The following CLIC1 variants were observed in gnomAD, a reference collection of about 807,000 sequenced individuals.
CLIC1 encodes the protein CLIC family member 1.
Under a neutral mutation model 26.4 loss-of-function variants are expected in CLIC1, and 16 were observed. The ratio of observed to expected loss-of-function variants is 0.61; its 90% CI spans 0.41 to 0.92. CLIC1 has a LOEUF of 0.92. CLIC1 is among the 40% of genes least tolerant of loss of function. The pLI is 0.00. For missense variants in CLIC1, 225 were observed against 289.7 expected (o/e 0.78, Z 1.62); for synonymous variants, 98 against 120.8 (o/e 0.81, Z 1.24).
At chr6:31,731,598 G>A (rs1807954361) in intron 5 of CLIC1, among the ~76,000 whole-genome samples, 2 of 152,188 alleles carry the variant, frequency 1.3e-5, no homozygotes, top group African/African-American at 2.4e-5. Context: ...CACCACGCCC[G>A]GCCCATCTGA....
chr6:31,736,382 G>A lies in CLIC1; in HGVS notation c.-82C>T. On this transcript the variant is annotated 5_prime_UTR_variant, in exon 1 of 6. Transcript: ENST00000375784. The surrounding 1 kb of genome is among the most constrained non-coding windows in gnomAD (Gnocchi z 5.0). ...CCGGGGAAGGCGGGTCTCACACTCA[G>A]GGACTCTCTCCCCTAGACCCAGGGC... The A allele has an allele frequency of 6.2e-7, 1 of 1,609,108 alleles. No individual in the cohort carries two copies. The highest frequency in any genetic ancestry group is 1.3e-5 in the African/African-American group (1 of 74,940).
At position 31,736,466 on chromosome 6, in the gene CLIC1, C is replaced by G; in HGVS notation, c.-166G>C. 3.5e-6 allele frequency: 5 copies of G among 1,428,776 alleles called. No individual in the cohort carries two copies. The highest frequency in any genetic ancestry group is 2.6e-5 in the East Asian group (1 of 38,212). The allele number at this position is 1,428,776 out of a possible 1,614,324, so 88.5% of individuals were successfully genotyped here. A position where few individuals can be genotyped will look rare whatever the true frequency, so the allele number is the denominator to read the frequency against. ...CTACTTGCACCCAAACTAGGCCTCC[C>G]CACCAGCCCAACGCACCCCACACCC... On this transcript the variant is annotated 5_prime_UTR_variant, in exon 1 of 6. Coordinates refer to ENST00000375784, the Ensembl canonical transcript of CLIC1. The surrounding 1 kb of genome is among the most constrained non-coding windows in gnomAD (Gnocchi z 5.0).
chr6:31,734,188 C>T lies in CLIC1; in HGVS notation c.115G>A (p.Val39Ile). Residue 39 changes from valine (V) to isoleucine (I), a missense_variant, in exon 2 of 6, where the codon GTC (valine) becomes ATC (isoleucine). Physicochemically the swap from Val to Ile is conservative, Grantham distance 29. Transcript: ENST00000375784. This position sits in a 1 kb window ranked among gnomAD's most constrained non-coding sequence, Gnocchi z 5.3. ...TCAACGGTGGTAACATTGAAGGTGA[C>T]TCCCTTGAGCCACAGTACCATGAAC... 6.2e-7 allele frequency: 1 copy of T among 1,614,142 alleles called. No individual in the cohort carries two copies. The highest frequency in any genetic ancestry group is 8.5e-7 in the Non-Finnish European group (1 of 1,179,982).
At chr6:31,731,170 C>A (rs1384366618) in intron 5 of CLIC1, among the ~76,000 whole-genome samples, 167 bp from the exon 6 acceptor site, 3 of 152,184 alleles carry the variant, frequency 2.0e-5, no homozygotes, top group Non-Finnish European at 4.4e-5. Context: ...TAATAACCAG[C>A]CATTTTTCCT....
Position 31,732,451 on chromosome 6 carries a change from G to A in CLIC1, c.383-53C>T, listed in dbSNP as rs1264211824. 83 of 1,340,594 alleles carry A rather than the reference G, an allele frequency of 6.2e-5. No homozygotes were observed. The highest frequency in any genetic ancestry group is 7.5e-5 in the Non-Finnish European group (77 of 1,024,406). 83.0% of individuals were successfully genotyped at this position (1,340,594 alleles called of 1,614,324 possible). A position where few individuals can be genotyped will look rare whatever the true frequency, so the allele number is the denominator to read the frequency against. On this transcript the variant is annotated intron_variant, in intron 4 of 5. Coordinates refer to ENST00000375784, the Ensembl canonical transcript of CLIC1. This position sits in a 1 kb window ranked among gnomAD's most constrained non-coding sequence, Gnocchi z 5.0. ...CTTCAGGAAAAGATTGACATAGTCC[G>A]AAAAGGCCCGTTGGGGGTGGATACT... is the stretch of plus-strand genomic sequence containing the variant.
chr6:31,731,818 C>T (rs1293723699), intron 5 of CLIC1, among the ~76,000 whole-genome samples: 3 of 152,058 alleles, frequency 2.0e-5, no homozygotes, highest in African/African-American at 4.8e-5. Context: ...AACATGGGAA[C>T]CAGCAGTTTT....
In CLIC1 at chr6:31,732,147, G is replaced by A; in HGVS notation, c.564+70C>T. On this transcript the variant is annotated intron_variant, in intron 5 of 5. Coordinates refer to ENST00000375784, the Ensembl canonical transcript of CLIC1. This position sits in a 1 kb window ranked among gnomAD's most constrained non-coding sequence, Gnocchi z 5.0. ...ATCGTCTTTAGAGTGGTTGTCAGGG[G>A]AAGCCCATGTGGGAGCTCCTTAAAG... is the stretch of plus-strand genomic sequence containing the variant. The A allele has an allele frequency of 7.1e-6, 9 of 1,259,988 alleles. No homozygotes were observed. The highest frequency in any genetic ancestry group is 9.4e-6 in the Non-Finnish European group (9 of 958,520). 78.1% of individuals were successfully genotyped at this position (1,259,988 alleles called of 1,614,324 possible). A position where few individuals can be genotyped will look rare whatever the true frequency, so the allele number is the denominator to read the frequency against.
At position 31,733,142 on chromosome 6, in the gene CLIC1, T is replaced by G. The variant is rs1808092541; in HGVS notation, c.382+424A>C. 6.6e-6 allele frequency among the ~76,000 whole-genome samples: 1 copy of G among 151,812 alleles called. No individual in the cohort carries two copies. The highest frequency in any genetic ancestry group is 2.1e-4 in the South Asian group (1 of 4,812). On this transcript the variant is annotated intron_variant, in intron 4 of 5. Coordinates refer to ENST00000375784, the Ensembl canonical transcript of CLIC1. This position sits in a 1 kb window ranked among gnomAD's most constrained non-coding sequence, Gnocchi z 5.4. ...CTCAAAAAAAAAGAAAAAAAAAAAT[T>G]TATATCAACCCATGAAATAGGTATT... is the stretch of plus-strand genomic sequence containing the variant.
At position 31,732,359 on chromosome 6, in the gene CLIC1, T is replaced by C; in HGVS notation, c.422A>G (p.Asp141Gly). ...TGGGAGGGGGGATGTTAAGTAATTG[T>C]CTAAAACCTTCAGGGCTTTCAGGAG... The change falls in exon 5 of 6, where the codon GAC becomes GGC. Residue 141 changes from aspartate (D) to glycine (G), a missense_variant. Coordinates refer to ENST00000375784, the Ensembl canonical transcript of CLIC1. The surrounding 1 kb of genome is among the most constrained non-coding windows in gnomAD (Gnocchi z 5.0). 1 of 1,578,120 alleles carries C rather than the reference T, an allele frequency of 6.3e-7. No individual in the cohort carries two copies. The highest frequency in any genetic ancestry group is 8.6e-7 in the Non-Finnish European group (1 of 1,162,616).
At position 31,730,927 on chromosome 6, in the gene CLIC1, T is replaced by C. The variant is rs1267502089; in HGVS notation, c.641A>G (p.Tyr214Cys). 3.7e-6 allele frequency: 6 copies of C among 1,613,022 alleles called. No individual in the cohort carries two copies. Among genetic ancestry groups the C allele is most frequent in the Non-Finnish European group, 4.2e-6 (5 of 1,179,988 alleles). Residue 214 changes from tyrosine (Y) to cysteine (C), a missense_variant, in exon 6 of 6, where the codon TAC becomes TGC. Tyr to Cys is a radical substitution (Grantham distance 194, BLOSUM62 -2). Transcript: ENST00000375784. The surrounding 1 kb of genome is among the most constrained non-coding windows in gnomAD (Gnocchi z 5.1). Reference sequence around the variant, plus strand: ...GGTGGAAGCGAATTCTTCCCGGGCGTAGGCATTGCTCAAGTACCGATGCAC... The same window carrying C: ...GGTGGAAGCGAATTCTTCCCGGGCGCAGGCATTGCTCAAGTACCGATGCAC...
rs1482949570 is a variant in CLIC1, at chr6:31,732,620, A to G, written c.383-222T>C. ...GAGTGCAGTGGCATGATCCCGGCTC[A>G]CTGCAACCTCTGCCTCCTAGATTCA... On this transcript the variant is annotated intron_variant, in intron 4 of 5. Coordinates refer to ENST00000375784, the Ensembl canonical transcript of CLIC1. The surrounding 1 kb of genome is among the most constrained non-coding windows in gnomAD (Gnocchi z 5.0). Among the ~76,000 whole-genome samples, 1 of 151,948 alleles carries G rather than the reference A, an allele frequency of 6.6e-6. No homozygotes were observed. Among genetic ancestry groups the G allele is most frequent in the Non-Finnish European group, 1.5e-5 (1 of 67,982 alleles).
Position 31,736,479 on chromosome 6 carries a change from GCACCCCACACC to G in CLIC1, c.-190_-180del, listed in dbSNP as rs1808341999. ...AACTAGGCCTCCCCACCAGCCCAAC[GCACCCCACACC>G]CAGCTCCTCCAGCTCGGTCCTCTCC... is the stretch of plus-strand genomic sequence containing the variant. On this transcript the variant is annotated 5_prime_UTR_variant, in exon 1 of 6. Coordinates refer to ENST00000375784, the Ensembl canonical transcript of CLIC1. This position sits in a 1 kb window ranked among gnomAD's most constrained non-coding sequence, Gnocchi z 5.0. 7.1e-6 allele frequency: 10 copies of G among 1,412,348 alleles called. No individual in the cohort carries two copies. The highest frequency in any genetic ancestry group is 2.6e-4 in the Middle Eastern group (1 of 3,802). The allele number at this position is 1,412,348 out of a possible 1,614,324, so 87.5% of individuals were successfully genotyped here.
At chr6:31,735,697 A>G (rs1336484097) in intron 1 of CLIC1, among the ~76,000 whole-genome samples, 2 of 151,448 alleles carry the variant, frequency 1.3e-5, no homozygotes, top group Non-Finnish European at 2.9e-5. Context: ...CTGCTTTTCA[A>G]ACTCCGATCC....
At chr6:31,731,108 C>T in intron 5 of CLIC1, 105 bp from the exon 6 acceptor site, 3 of 869,230 alleles carry the variant, frequency 3.5e-6, no homozygotes, top group Non-Finnish European at 5.3e-6. Flanking sequence ...CAACTCCTCA[C>T]TGTCTTGTAC....
rs1157513708 is a variant in CLIC1 at position 31,732,652 on chromosome 6, T to C, written c.383-254A>G. On this transcript the variant is annotated intron_variant, in intron 4 of 5. Transcript: ENST00000375784. The surrounding 1 kb of genome is among the most constrained non-coding windows in gnomAD (Gnocchi z 5.0). ...CCTCTGCCTCCTAGATTCAAATGAT[T>C]CTCCTGCCTCAGCCTCCTGAGTAGC... Among the ~76,000 whole-genome samples, 1 of 151,892 alleles carries C rather than the reference T, an allele frequency of 6.6e-6. No individual in the cohort carries two copies. The highest frequency in any genetic ancestry group is 1.5e-5 in the Non-Finnish European group (1 of 67,960).
At position 31,733,874 on chromosome 6, in the gene CLIC1, C is replaced by T; in HGVS notation, c.237G>A (p.Lys79=). The change falls in exon 3 of 6, where the codon AAG becomes AAA. Residue 79 remains lysine, a synonymous_variant. Transcript: ENST00000375784. The surrounding 1 kb of genome is among the most constrained non-coding windows in gnomAD (Gnocchi z 5.4). ...GCACTGCCTCCAGAAATTCCTCAAT[C>T]TTGTTGGTGTCTGTGTGCACTTCAG... The T allele has an allele frequency of 6.2e-7, 1 of 1,614,142 alleles. No individual in the cohort carries two copies. The highest frequency in any genetic ancestry group is 8.5e-7 in the Non-Finnish European group (1 of 1,180,024).
intron 1 of CLIC1, among the ~76,000 whole-genome samples, chr6:31,735,963 G>A (rs1808305942): frequency 2.0e-5 from 3 of 151,858 alleles, no homozygotes; most frequent in South Asian, 4.2e-4. Flanking sequence ...TCACCAGCTC[G>A]CCCTCTAACC....
rs754943761 is a variant in CLIC1 at position 31,733,881 on chromosome 6, G to A, written c.230C>T (p.Thr77Ile). 2 of 1,614,114 alleles carry A rather than the reference G, an allele frequency of 1.2e-6. No individual in the cohort carries two copies. The highest frequency in any genetic ancestry group is 1.6e-4 in the Middle Eastern group (1 of 6,062). ...CTCCAGAAATTCCTCAATCTTGTTG[G>A]TGTCTGTGTGCACTTCAGTGCCATA... Residue 77 changes from threonine (T) to isoleucine (I), a missense_variant, in exon 3 of 6, where the codon ACC (threonine) becomes ATC (isoleucine). Coordinates refer to ENST00000375784, the Ensembl canonical transcript of CLIC1. The surrounding 1 kb of genome is among the most constrained non-coding windows in gnomAD (Gnocchi z 5.4).
At position 31,734,022 on chromosome 6, in the gene CLIC1, A is replaced by G; in HGVS notation, c.150-61T>C. 1 of 1,602,658 alleles carries G rather than the reference A, an allele frequency of 6.2e-7. No homozygotes were observed. The highest frequency in any genetic ancestry group is 8.5e-7 in the Non-Finnish European group (1 of 1,172,736). On this transcript the variant is annotated intron_variant, in intron 2 of 5. Transcript: ENST00000375784. The surrounding 1 kb of genome is among the most constrained non-coding windows in gnomAD (Gnocchi z 5.3). ...GGGTCAGGAAGAACCAGAAAGGGGG[A>G]ATGGAGGACGTGGGATAAGAAAGGG... is the stretch of plus-strand genomic sequence containing the variant.
Sources: allele counts gnomAD v4.1 joint callset (sites outside exome capture counted in the v4.1 genomes callset), GRCh38; gene constraint gnomAD v4.1.1; non-coding constraint Gnocchi (gnomAD v3.1); transcripts MANE v1.5; gene names NCBI Gene and HGNC (gene_info 2026-07-23, HGNC 2026-07-21).